The following HSPA12A variants were observed in gnomAD, a reference collection of about 807,000 sequenced individuals.
HSPA12A encodes the protein heat shock protein family A (Hsp70) member 12A, also known as heat shock 70 kDa protein 12A.
In HSPA12A, 28 loss-of-function variants were observed where a neutral mutation model predicts 69.2. The observed-to-expected ratio is 0.40, with a 90% CI of 0.30 to 0.55. HSPA12A has a LOEUF of 0.55. Ranked by LOEUF, HSPA12A falls within the 20% of genes least tolerant of loss-of-function variation. The pLI, the probability that HSPA12A is intolerant of heterozygous loss-of-function variation, is 0.38. For synonymous variants in HSPA12A, 345 were observed against 370.5 expected, an observed-to-expected ratio of 0.93 and a Z score of 0.79; for missense variants, 686 against 900.7, an observed-to-expected ratio of 0.76 and a Z score of 3.05.
At chr10:116,685,949 G>C (rs1849565881) in intron 6 of HSPA12A, among the ~76,000 whole-genome samples, 1 of 152,116 alleles carries the variant, frequency 6.6e-6, no homozygotes, top group Non-Finnish European at 1.5e-5. Flanking sequence ...CCATCACCTA[G>C]TACCCTCAGC....
chr10:116,732,700 T>G (rs1554885970), intron 1 of HSPA12A, among the ~76,000 whole-genome samples: 1 of 152,224 alleles, frequency 6.6e-6, no homozygotes, highest in African/African-American at 2.4e-5. Flanking sequence ...AGTTAAGCAT[T>G]CTTCAAATAC....
At position 116,789,210 on chromosome 10, in the gene HSPA12A, A is replaced by G. The variant is rs573755237; in HGVS notation, c.91+45725T>C. 2.6e-5 allele frequency among the ~76,000 whole-genome samples: 4 copies of G among 152,314 alleles called. No individual in the cohort carries two copies. In the Middle Eastern group the frequency reaches 0.01, roughly 391 times the overall value. ...AATGCACTGGTGCTGCAATATGTCA[A>G]AGATATATCACATCGCAAAATAAAA... On this transcript the variant is annotated intron_variant, in intron 2 of 12. Coordinates refer to the HSPA12A transcript ENST00000635765.
chr10:116,743,102 G>T (rs1851569130), upstream of HSPA12A, among the ~76,000 whole-genome samples: 1 of 82,582 alleles, frequency 1.2e-5, no homozygotes, highest in South Asian at 4.6e-4. Flanking sequence ...GACCTGCGCG[G>T]GGGCCGAGCC....
At chr10:116,729,274 C>T (rs111746504) in intron 1 of HSPA12A, among the ~76,000 whole-genome samples, 7 of 152,274 alleles carry the variant, frequency 4.6e-5, no homozygotes, top group African/African-American at 1.4e-4. Context: ...GGCTGGGATG[C>T]TATCATTGGG....
At chr10:116,689,866 G>C (rs184698639) in intron 6 of HSPA12A, among the ~76,000 whole-genome samples, 1 of 151,732 alleles carries the variant, frequency 6.6e-6, no homozygotes, top group Non-Finnish European at 1.5e-5. Flanking sequence ...CCGCTTACTC[G>C]GGAGGGTCAG....
At chr10:116,768,462 ACT>A (rs1280136649) in intron 2 of HSPA12A, among the ~76,000 whole-genome samples, 1 of 152,222 alleles carries the variant, frequency 6.6e-6, no homozygotes, top group Non-Finnish European at 1.5e-5. Flanking sequence ...TCCAAAACCC[ACT>A]GACTTGTACA....
intron 10 of HSPA12A, among the ~76,000 whole-genome samples, 170 bp downstream of exon 10, chr10:116,679,333 C>A (rs1849333315): frequency 6.6e-6 from 1 of 152,146 alleles, no homozygotes; most frequent in Non-Finnish European, 1.5e-5. Context: ...AATTATTATC[C>A]CCATTTTCCA....
At chr10:116,828,403 T>C (rs1005016412) in intron 2 of HSPA12A, among the ~76,000 whole-genome samples, 1 of 152,192 alleles carries the variant, frequency 6.6e-6, no homozygotes, top group Non-Finnish European at 1.5e-5. Context: ...CTGGCAAAGC[T>C]GGCATTCAGG....
At chr10:116,808,956 G>A (rs1035543336) in intron 2 of HSPA12A, among the ~76,000 whole-genome samples, 3 of 152,210 alleles carry the variant, frequency 2.0e-5, no homozygotes, top group Non-Finnish European at 4.4e-5. Context: ...CTAGCGGGGA[G>A]TGGGAGGCAA....
At chr10:116,679,910 C>T (rs1849356218) in intron 9 of HSPA12A, 149 bp from the exon 10 acceptor site, 24 of 691,350 alleles carry the variant, frequency 3.5e-5, no homozygotes, top group Middle Eastern at 2.7e-4. Flanking sequence ...CAGAACCCTG[C>T]GCTGCTTCTC....
intron 7 of HSPA12A, among the ~76,000 whole-genome samples, chr10:116,682,477 A>C (rs1849441778): frequency 1.3e-5 from 2 of 150,208 alleles, no homozygotes; most frequent in African/African-American, 5.0e-5. Context: ...CCATTTCCTG[A>C]CCCAGCTGAA....
chr10:116,772,574 C>T (rs1170707442), intron 2 of HSPA12A, among the ~76,000 whole-genome samples: 2 of 152,200 alleles, frequency 1.3e-5, no homozygotes, highest in East Asian at 1.9e-4. Flanking sequence ...AAATGAGGCC[C>T]GAAGCTGTCT....
chr10:116,733,444 C>T (rs997118097), intron 1 of HSPA12A, among the ~76,000 whole-genome samples: 2 of 152,152 alleles, frequency 1.3e-5, no homozygotes, highest in Admixed American at 6.5e-5. Context: ...CCAATAAGAT[C>T]ACGAGGTCTG....
chr10:116,830,754 C>G (rs1464617607), intron 2 of HSPA12A: 2 of 143,682 alleles, frequency 1.4e-5, no homozygotes, highest in East Asian at 1.9e-4. Flanking sequence ...GCATGGGAGA[C>G]AGAGCAAGAC....
intron 2 of HSPA12A, among the ~76,000 whole-genome samples, chr10:116,797,335 G>C (rs1012265909): frequency 6.7e-4 from 102 of 152,172 alleles, no homozygotes; most frequent in African/African-American, 2.5e-3. Context: ...CTTGACCCCA[G>C]GGGGCTTACA....
At chr10:116,834,483 C>T (rs1845675028) in intron 2 of HSPA12A, among the ~76,000 whole-genome samples, 1 of 152,138 alleles carries the variant, frequency 6.6e-6, no homozygotes. Context: ...AGGACCAGTC[C>T]TCTGAGAGGA....
chr10:116,722,249 C>T (rs930420036), intron 1 of HSPA12A, among the ~76,000 whole-genome samples: 1 of 152,218 alleles, frequency 6.6e-6, no homozygotes, highest in Non-Finnish European at 1.5e-5. Flanking sequence ...ACTAGCCTGA[C>T]TTCCAGCAGG....
chr10:116,724,847 G>A (rs750361316), intron 1 of HSPA12A, among the ~76,000 whole-genome samples: 1 of 152,126 alleles, frequency 6.6e-6, no homozygotes, highest in African/African-American at 2.4e-5. Flanking sequence ...GTCTTTGCCT[G>A]CTCCTCAGTC....
intron 2 of HSPA12A, among the ~76,000 whole-genome samples, chr10:116,792,371 T>G (rs1844718593): frequency 6.7e-6 from 1 of 149,450 alleles, no homozygotes; most frequent in African/African-American, 2.5e-5. Flanking sequence ...GAAATGAAAG[T>G]AGATGAAGCA....
Sources: gnomAD v4.1 joint callset for allele counts (sites outside exome capture counted in the v4.1 genomes callset) on GRCh38, gnomAD v4.1.1 for gene constraint, MANE v1.5 for transcripts, NCBI Gene and HGNC (gene_info 2026-07-23, HGNC 2026-07-21) for gene names.